The following SLC4A8 variants were observed in gnomAD, a reference collection of about 807,000 sequenced individuals.
SLC4A8 encodes the protein electroneutral sodium bicarbonate exchanger 1.
A neutral mutation model predicts 125.0 loss-of-function variants in SLC4A8; 40 were observed. The ratio of observed to expected loss-of-function variants is 0.32; its 90% CI spans 0.25 to 0.42. The LOEUF (loss-of-function observed/expected upper bound fraction) is 0.42, where lower values mean the gene tolerates loss of function less well. SLC4A8 is among the 10% of genes least tolerant of loss of function. The probability of loss-of-function intolerance (pLI) is 1.00; values close to 1 mark genes in which losing one functional copy is unlikely to be tolerated. For synonymous variants in SLC4A8, 456 were observed against 476.0 expected (o/e 0.96, Z 0.55); for missense variants, 863 against 1,355.1 (o/e 0.64, Z 5.70).
At chr12:51,407,620 G>A (rs951802778) in intron 1 of SLC4A8, among the ~76,000 whole-genome samples, 2 of 152,022 alleles carry the variant, frequency 1.3e-5, no homozygotes, top group Non-Finnish European at 1.5e-5. Flanking sequence ...ACCATAGCGG[G>A]GTGTGTCTCT....
At chr12:51,495,578 C>T (rs902737956) in intron 21 of SLC4A8, among the ~76,000 whole-genome samples, 2 of 143,570 alleles carry the variant, frequency 1.4e-5, no homozygotes, top group South Asian at 2.2e-4. Context: ...CAGGTTCAAG[C>T]GATTCTCCTG....
chr12:51,471,854 A>G (rs1950709968), intron 14 of SLC4A8, among the ~76,000 whole-genome samples: 1 of 152,154 alleles, frequency 6.6e-6, no homozygotes, highest in South Asian at 2.1e-4. Flanking sequence ...ATGGGGAGGA[A>G]CTTCTTTTTG....
chr12:51,503,873 C>T (rs1368419762), intron 22 of SLC4A8, among the ~76,000 whole-genome samples, 156 bp from the exon 23 acceptor site: 2 of 152,078 alleles, frequency 1.3e-5, no homozygotes, highest in African/African-American at 4.8e-5. Context: ...CTGGTTGTCT[C>T]TCATTTTGTG....
intron 11 of SLC4A8, 69 bp from the exon 12 acceptor site, chr12:51,469,545 A>G: frequency 7.2e-7 from 1 of 1,388,008 alleles, no homozygotes; most frequent in Non-Finnish European, 1.0e-6. Flanking sequence ...ATGCTTTCAA[A>G]TGTGTGCTGT....
intron 1 of SLC4A8, among the ~76,000 whole-genome samples, chr12:51,399,743 G>A (rs528052967): frequency 2.6e-5 from 4 of 152,270 alleles, no homozygotes; most frequent in African/African-American, 9.6e-5. Context: ...CAGCTCTTTG[G>A]AAGGCTGAGG....
intron 2 of SLC4A8, among the ~76,000 whole-genome samples, chr12:51,444,660 G>A (rs1454232279): frequency 6.6e-6 from 1 of 152,178 alleles, no homozygotes; most frequent in East Asian, 1.9e-4. Context: ...AGTCAGGACA[G>A]TGAGAACAAT....
At position 51,489,686 on chromosome 12, in the gene SLC4A8, CTG is replaced by C; in HGVS notation, c.2449-12_2449-11del. The C allele has an allele frequency of 6.2e-7, 1 of 1,613,874 alleles. No homozygotes were observed. The highest frequency in any genetic ancestry group is 1.3e-5 in the African/African-American group (1 of 75,044). On this transcript the variant is annotated splice_polypyrimidine_tract_variant and intron_variant, in intron 18 of 24. Coordinates refer to ENST00000453097, the MANE Select transcript of SLC4A8 (RefSeq NM_001039960.3). ...TAGCCTACTGATGGTGACAAAGACT[CTG>C]TTTCCCCACAGAAAGGCTGTGGCTA...
intron 1 of SLC4A8, among the ~76,000 whole-genome samples, chr12:51,428,428 C>T (rs111637534): frequency 6.6e-6 from 1 of 152,188 alleles, no homozygotes; most frequent in African/African-American, 2.4e-5. Flanking sequence ...CCAGATGCCT[C>T]CCCTTAAGGA....
intron 1 of SLC4A8, among the ~76,000 whole-genome samples, chr12:51,429,231 T>G (rs905734172): frequency 6.6e-6 from 1 of 152,192 alleles, no homozygotes; most frequent in Non-Finnish European, 1.5e-5. Flanking sequence ...TAAGTAATTC[T>G]AAGTGCCAGG....
At chr12:51,398,034 A>G (rs1431225596) in intron 1 of SLC4A8, among the ~76,000 whole-genome samples, 1 of 152,130 alleles carries the variant, frequency 6.6e-6, no homozygotes, top group African/African-American at 2.4e-5. Context: ...TCAGCCTCCC[A>G]AAGTGCTAGG....
intron 5 of SLC4A8, among the ~76,000 whole-genome samples, chr12:51,454,219 C>G (rs1403552893): frequency 6.6e-6 from 1 of 152,166 alleles, no homozygotes; most frequent in African/African-American, 2.4e-5. Context: ...ATCACTTGAG[C>G]CTGGCAGGTC....
intron 1 of SLC4A8, among the ~76,000 whole-genome samples, chr12:51,433,110 A>C (rs1489467321): frequency 2.0e-5 from 3 of 152,114 alleles, no homozygotes; most frequent in African/African-American, 7.2e-5. Context: ...ATTATGTAAG[A>C]CTGAGCTCTG....
chr12:51,396,689 A>G (rs1948270473), intron 1 of SLC4A8, among the ~76,000 whole-genome samples: 1 of 151,858 alleles, frequency 6.6e-6, no homozygotes, highest in South Asian at 2.1e-4. Context: ...TTTAAAAAAA[A>G]AAAAAAGACT....
At chr12:51,489,250 A>G (rs529055744) in intron 18 of SLC4A8, among the ~76,000 whole-genome samples, 4 of 152,292 alleles carry the variant, frequency 2.6e-5, no homozygotes, top group Admixed American at 2.0e-4. Flanking sequence ...TCTAGGCCGA[A>G]ACTGGAACCC....
At chr12:51,445,587 G>A (rs1468681744) in intron 2 of SLC4A8, among the ~76,000 whole-genome samples, 1 of 151,824 alleles carries the variant, frequency 6.6e-6, no homozygotes, top group East Asian at 1.9e-4. Context: ...ACCCTGCCCT[G>A]GCCCTACTGG....
Position 51,485,781 on chromosome 12 carries a change from T to G in SLC4A8, c.2173-6T>G. On this transcript the variant is annotated splice_polypyrimidine_tract_variant and splice_region_variant and intron_variant, in intron 16 of 24. Coordinates refer to ENST00000453097, the MANE Select transcript of SLC4A8 (RefSeq NM_001039960.3). ...AAAACATGTGTCCACTTCTTTCTCA[T>G]GCCAGGTACGCTCCATGGTGAGTGA... is the stretch of plus-strand genomic sequence containing the variant. The G allele has an allele frequency of 6.4e-7, 1 of 1,555,568 alleles. No individual in the cohort carries two copies. Among genetic ancestry groups the G allele is most frequent in the Non-Finnish European group, 8.9e-7 (1 of 1,126,954 alleles).
Position 51,474,431 on chromosome 12 carries a change from C to T in SLC4A8, c.1994C>T (p.Ala665Val). Reference protein sequence around the residue: ...HNIVTAEVHWANLTVSECQEM... With the variant: ...HNIVTAEVHWVNLTVSECQEM... The stretch of plus-strand genomic sequence containing the variant: ...ATCGTGACAGCAGAAGTCCACTGGG[C>T]TAACCTGACTGTCAGTGTAAGTCTG... The change falls in exon 15 of 25, where the codon GCT becomes GTT. Residue 665 changes from alanine (A) to valine (V), a missense_variant. Transcript: ENST00000453097. 6.2e-7 allele frequency: 1 copy of T among 1,613,548 alleles called. No homozygotes were observed. Among genetic ancestry groups the T allele is most frequent in the Admixed American group, 1.7e-5 (1 of 60,018 alleles).
intron 1 of SLC4A8, 121 bp downstream of exon 1, chr12:51,425,156 G>A (rs1395771619): frequency 4.1e-6 from 6 of 1,448,222 alleles, no homozygotes; most frequent in South Asian, 1.4e-5. Flanking sequence ...TGAGGGCGAG[G>A]GGAGGCCAGC....
chr12:51,501,104 T>TA (rs1194115028), intron 22 of SLC4A8, among the ~76,000 whole-genome samples: 1 of 152,160 alleles, frequency 6.6e-6, no homozygotes, highest in Admixed American at 6.5e-5. Context: ...GCTGGGATTA[T>TA]AGGCGTGAGC....
Sources: gnomAD v4.1 joint callset for allele counts (sites outside exome capture counted in the v4.1 genomes callset) on GRCh38, gnomAD v4.1.1 for gene constraint, MANE v1.5 for transcripts, NCBI Gene and HGNC (gene_info 2026-07-23, HGNC 2026-07-21) for gene names.